The following CCDC178 variants were observed in gnomAD, a reference collection of about 807,000 sequenced individuals.
CCDC178 encodes the protein coiled-coil domain containing 178.
In CCDC178, 126 loss-of-function variants were observed where a neutral mutation model predicts 117.4. The observed-to-expected ratio is 1.07, with a 90% CI of 0.93 to 1.24. The LOEUF (loss-of-function observed/expected upper bound fraction) is 1.24. CCDC178 is among the 50% of genes most tolerant of loss of function. The probability of loss-of-function intolerance (pLI) is 0.00; values close to 1 mark genes in which losing one functional copy is unlikely to be tolerated. For missense variants in CCDC178, 1,030 were observed against 986.9 expected, an observed-to-expected ratio of 1.04 and a Z score of -0.59; for synonymous variants, 283 against 313.4, an observed-to-expected ratio of 0.90 and a Z score of 1.02.
chr18:33,195,161 TA>T (rs1239035225), intron 20 of CCDC178, among the ~76,000 whole-genome samples: 4 of 150,150 alleles, frequency 2.7e-5, no homozygotes, highest in Admixed American at 6.6e-5. Flanking sequence ...AAAAGAAAAT[TA>T]AAAAAAGAAA....
chr18:33,187,314 C>A (rs1189362342), intron 20 of CCDC178, among the ~76,000 whole-genome samples: 1 of 151,970 alleles, frequency 6.6e-6, no homozygotes, highest in Non-Finnish European at 1.5e-5. Context: ...TATGGCCCAC[C>A]CTGTCTCCAC....
At chr18:33,359,220 T>A (rs977235398) in intron 6 of CCDC178, among the ~76,000 whole-genome samples, 11 of 151,782 alleles carry the variant, frequency 7.2e-5, no homozygotes, top group African/African-American at 2.4e-4. Context: ...CTCAGCTTGA[T>A]CTTTATAGCT....
chr18:33,319,443 G>A (rs896393973), intron 11 of CCDC178, among the ~76,000 whole-genome samples: 2 of 152,046 alleles, frequency 1.3e-5, no homozygotes, highest in African/African-American at 2.4e-5. Flanking sequence ...GTCCATCATT[G>A]ATGGACATTT....
chr18:33,229,686 T>C (rs2059348586), intron 15 of CCDC178, among the ~76,000 whole-genome samples: 3 of 152,172 alleles, frequency 2.0e-5, no homozygotes, highest in Admixed American at 2.0e-4. Context: ...TATAGGAATA[T>C]TTAATGTAGA....
rs1321370391 is a variant in CCDC178, at chr18:33,333,453, C to T, written c.659-59G>A. ...TGATTGGAGGAAATATTTGATAATA[C>T]ATAAATATAAAACATTTTAATTTCA... On this transcript the variant is annotated intron_variant, in intron 9 of 22. Coordinates refer to ENST00000383096, the MANE Select transcript of CCDC178 (RefSeq NM_001105528.4). 3 of 606,072 alleles carry T rather than the reference C, an allele frequency of 4.9e-6. No individual in the cohort carries two copies. In the Admixed American group the frequency reaches 9.6e-5, roughly 19 times the overall value. The allele number at this position is 606,072 out of a possible 1,614,324, so 37.5% of individuals were successfully genotyped here. A position where few individuals can be genotyped will look rare whatever the true frequency, so the allele number is the denominator to read the frequency against.
chr18:33,419,169 G>A (rs6507024), intron 2 of CCDC178, among the ~76,000 whole-genome samples: 99,092 of 151,944 alleles, frequency 0.65, 32,635 homozygotes, highest in South Asian at 0.81. Context: ...TGACAAAGTC[G>A]ACAAAAACAA....
chr18:32,937,761 A>G lies in CCDC178; in HGVS notation c.*250T>C, dbSNP rs2054151235. On this transcript the variant is annotated 3_prime_UTR_variant, in exon 23 of 23. Coordinates refer to ENST00000383096, the MANE Select transcript of CCDC178 (RefSeq NM_001105528.4). ...ACATAGATTAATTATCAGATGAGGC[A>G]AAGCCAATTGCAATCAGTCACCCAG... is the stretch of plus-strand genomic sequence containing the variant. 5 of 446,554 alleles carry G rather than the reference A, an allele frequency of 1.1e-5. No individual in the cohort carries two copies. Among genetic ancestry groups the G allele is most frequent in the Admixed American group, 3.8e-5 (1 of 26,448 alleles). 27.7% of individuals were successfully genotyped at this position (446,554 alleles called of 1,614,324 possible).
At chr18:33,120,799 C>T (rs1417507023) in intron 20 of CCDC178, among the ~76,000 whole-genome samples, 3 of 152,090 alleles carry the variant, frequency 2.0e-5, no homozygotes, top group Non-Finnish European at 4.4e-5. Flanking sequence ...AATTATTTAA[C>T]ATGATATATA....
chr18:33,132,327 A>C (rs1208193222), intron 20 of CCDC178, among the ~76,000 whole-genome samples: 3 of 151,752 alleles, frequency 2.0e-5, no homozygotes, highest in Non-Finnish European at 4.4e-5. Flanking sequence ...GACATGAAAG[A>C]ATGTTTTCAT....
intron 20 of CCDC178, among the ~76,000 whole-genome samples, chr18:33,161,744 G>C (rs1296197439): frequency 6.6e-6 from 1 of 152,114 alleles, no homozygotes; most frequent in Non-Finnish European, 1.5e-5. Context: ...CACAGGACAT[G>C]AACTCATCAT....
intron 22 of CCDC178, among the ~76,000 whole-genome samples, chr18:32,954,978 T>C (rs1438591339): frequency 6.6e-6 from 1 of 152,140 alleles, no homozygotes; most frequent in Non-Finnish European, 1.5e-5. Context: ...CCCTTCTTTA[T>C]CTCCAGTGAC....
chr18:32,993,386 C>A (rs1415015505), intron 21 of CCDC178, among the ~76,000 whole-genome samples: 3 of 152,148 alleles, frequency 2.0e-5, no homozygotes, highest in African/African-American at 7.2e-5. Context: ...ATGGCAATGA[C>A]CCGACAACCC....
intron 12 of CCDC178, among the ~76,000 whole-genome samples, chr18:33,281,135 A>T (rs534234772): frequency 1.3e-5 from 2 of 149,096 alleles, no homozygotes; most frequent in South Asian, 4.2e-4. Flanking sequence ...ACACACAAAA[A>T]ATAAATAAAA....
At chr18:33,302,619 G>A (rs1483568002) in intron 11 of CCDC178, among the ~76,000 whole-genome samples, 1 of 152,164 alleles carries the variant, frequency 6.6e-6, no homozygotes, top group African/African-American at 2.4e-5. Context: ...CAACCTAGGT[G>A]TCCCGGTGAA....
chr18:33,238,762 T>C (rs2059453869), intron 15 of CCDC178, among the ~76,000 whole-genome samples: 1 of 152,012 alleles, frequency 6.6e-6, no homozygotes. Context: ...GAGATGGACA[T>C]CTAGATCCAG....
chr18:33,063,303 C>A (rs1345604092), intron 21 of CCDC178, among the ~76,000 whole-genome samples: 2 of 152,134 alleles, frequency 1.3e-5, no homozygotes, highest in Non-Finnish European at 2.9e-5. Context: ...GTTTGGAGAT[C>A]AAACTGTTCT....
At chr18:33,421,684 T>C (rs1351032446) in intron 2 of CCDC178, among the ~76,000 whole-genome samples, 1 of 152,104 alleles carries the variant, frequency 6.6e-6, no homozygotes, top group Non-Finnish European at 1.5e-5. Context: ...GAAGAGCAGA[T>C]GAGAGAATTA....
At position 33,230,448 on chromosome 18, in the gene CCDC178, C is replaced by T. The variant is rs181431641; in HGVS notation, c.1594-3593G>A. On this transcript the variant is annotated intron_variant, in intron 15 of 22. Coordinates refer to ENST00000383096, the MANE Select transcript of CCDC178 (RefSeq NM_001105528.4). ...TCTACAGCTCTTCACAGTAAGCTCC[C>T]TCCTCTATCTCCTTGGCTGCTAGCA... Among the ~76,000 whole-genome samples the T allele has an allele frequency of 3.1e-3, 467 of 152,260 alleles. 2 individuals carry two copies. The highest frequency in any genetic ancestry group is 5.8e-3 in the Non-Finnish European group (395 of 68,020).
chr18:33,074,524 A>C (rs1297113653), intron 21 of CCDC178, among the ~76,000 whole-genome samples: 1 of 152,226 alleles, frequency 6.6e-6, no homozygotes, highest in Non-Finnish European at 1.5e-5. Context: ...TAGATAAACA[A>C]AAGTGAAGGG....
Sources: allele counts gnomAD v4.1 joint callset (sites outside exome capture counted in the v4.1 genomes callset), GRCh38; gene constraint gnomAD v4.1.1; transcripts MANE v1.5; gene names NCBI Gene and HGNC (gene_info 2026-07-23, HGNC 2026-07-21).